The following NTRK2 variants were observed in gnomAD, a reference collection of about 807,000 sequenced individuals.
The protein encoded by NTRK2 is BDNF/NT-3 growth factors receptor.
A neutral mutation model predicts 94.5 loss-of-function variants in NTRK2; 13 were observed. The ratio of observed to expected loss-of-function variants is 0.14; its 90% CI spans 0.09 to 0.22. The LOEUF (loss-of-function observed/expected upper bound fraction) is 0.22, where lower values mean the gene tolerates loss of function less well. Among genes scored for constraint, NTRK2 ranks in the 10% least tolerant of loss-of-function variants. The pLI, the probability that NTRK2 is intolerant of heterozygous loss-of-function variation, is 1.00. For synonymous variants in NTRK2, 372 were observed against 407.4 expected, an observed-to-expected ratio of 0.91 and a Z score of 1.05; for missense variants, 639 against 1,071.2, an observed-to-expected ratio of 0.60 and a Z score of 5.63.
At chr9:84,991,025 T>G (rs1828994420) in intron 17 of NTRK2, among the ~76,000 whole-genome samples, 1 of 152,158 alleles carries the variant, frequency 6.6e-6, no homozygotes, top group Non-Finnish European at 1.5e-5. Flanking sequence ...TCACACTGGG[T>G]AGGAGCAGGC....
At chr9:84,995,948 C>T (rs1043320041) in intron 17 of NTRK2, among the ~76,000 whole-genome samples, 2 of 152,160 alleles carry the variant, frequency 1.3e-5, no homozygotes, top group East Asian at 3.9e-4. Context: ...CTAGCCTTTC[C>T]AAGTATTGCA....
chr9:84,814,973 A>G (rs200773440), intron 12 of NTRK2: 1 of 1,059,560 alleles, frequency 9.4e-7, no homozygotes, highest in African/African-American at 1.6e-5. Flanking sequence ...ATCTAAAGAC[A>G]TAGGGGAAGA....
chr9:84,801,734 G>C (rs572444259), intron 12 of NTRK2, among the ~76,000 whole-genome samples: 6 of 152,284 alleles, frequency 3.9e-5, no homozygotes, highest in African/African-American at 1.4e-4. Flanking sequence ...CTCATGATGG[G>C]TTTATTAGGA....
chr9:84,705,509 C>T (rs1030508990), intron 4 of NTRK2, among the ~76,000 whole-genome samples: 2 of 152,306 alleles, frequency 1.3e-5, no homozygotes, highest in African/African-American at 4.8e-5. Context: ...GGTAACCCCG[C>T]TCTTTGCGGT....
Position 84,919,950 on chromosome 9 carries a change from G to A in NTRK2, c.1634-14212G>A, listed in dbSNP as rs560859591. ...CAGTAAGTGAATTTCTGTAAGTCACGTAGTTAGTTGATGGCCACAATTGAA... is the reference window on the plus strand; with the variant it reads ...CAGTAAGTGAATTTCTGTAAGTCACATAGTTAGTTGATGGCCACAATTGAA... On this transcript the variant is annotated intron_variant, in intron 14 of 18. Coordinates refer to ENST00000277120, the MANE Select transcript of NTRK2 (RefSeq NM_006180.6). Among the ~76,000 whole-genome samples the A allele has an allele frequency of 5.3e-5, 8 of 152,284 alleles. No homozygotes were observed. In the South Asian group the frequency reaches 6.2e-4, roughly 12 times the overall value.
At chr9:84,757,634 A>G (rs2132587950) in intron 12 of NTRK2, among the ~76,000 whole-genome samples, 1 of 152,300 alleles carries the variant, frequency 6.6e-6, no homozygotes, top group Middle Eastern at 3.4e-3. Context: ...TACCTAACCC[A>G]TAGGGTTGTT....
intron 14 of NTRK2, chr9:84,873,132 A>C (rs1587774412): frequency 9.4e-7 from 1 of 1,064,234 alleles, no homozygotes; most frequent in South Asian, 4.6e-5. Flanking sequence ...ACCATGGTCC[A>C]TTTTGATGGT....
At chr9:84,882,585 A>T (rs1011373402) in intron 14 of NTRK2, among the ~76,000 whole-genome samples, 8 of 152,104 alleles carry the variant, frequency 5.3e-5, no homozygotes, top group African/African-American at 1.4e-4. Context: ...GGAGATCTGT[A>T]TCTATTTATC....
intron 12 of NTRK2, among the ~76,000 whole-genome samples, chr9:84,760,171 C>T (rs1180268461): frequency 3.3e-5 from 5 of 152,164 alleles, no homozygotes; most frequent in Non-Finnish European, 7.3e-5. Flanking sequence ...AGATCTCCCG[C>T]CTGCTGGTCA....
intron 17 of NTRK2, among the ~76,000 whole-genome samples, chr9:85,003,608 T>C (rs994210326): frequency 2.6e-5 from 4 of 152,128 alleles, no homozygotes; most frequent in Non-Finnish European, 5.9e-5. Flanking sequence ...TTGGATTTTG[T>C]TCCGAGTACA....
intron 14 of NTRK2, among the ~76,000 whole-genome samples, chr9:84,918,583 G>A (rs2077466758): frequency 2.0e-5 from 3 of 152,130 alleles, no homozygotes; most frequent in African/African-American, 7.2e-5. Flanking sequence ...ATGAAATAAG[G>A]GATCTTTTAT....
intron 14 of NTRK2, among the ~76,000 whole-genome samples, chr9:84,888,579 C>G (rs929699827): frequency 7.7e-6 from 1 of 129,812 alleles, no homozygotes; most frequent in East Asian, 2.3e-4. Flanking sequence ...CGCCACTGCA[C>G]TCCAGCCTGG....
intron 14 of NTRK2, among the ~76,000 whole-genome samples, chr9:84,886,173 C>A (rs2076406916): frequency 2.0e-5 from 3 of 152,114 alleles, no homozygotes; most frequent in African/African-American, 7.2e-5. Context: ...ATATATGTGA[C>A]CAATGAGACC....
intron 14 of NTRK2, chr9:84,875,899 A>G: frequency 9.6e-7 from 1 of 1,038,524 alleles, no homozygotes; most frequent in Non-Finnish European, 1.2e-6. Context: ...AGTTTAAGAG[A>G]TTATAAAAAT....
intron 14 of NTRK2, among the ~76,000 whole-genome samples, chr9:84,926,527 C>T (rs1221296803): frequency 6.6e-6 from 1 of 152,046 alleles, no homozygotes; most frequent in Non-Finnish European, 1.5e-5. Flanking sequence ...CCACCGCACC[C>T]GGCCCAGTTT....
intron 9 of NTRK2, among the ~76,000 whole-genome samples, chr9:84,728,160 G>A (rs1270945579): frequency 1.3e-5 from 2 of 152,174 alleles, no homozygotes; most frequent in East Asian, 3.9e-4. Flanking sequence ...TGAAGCAGCA[G>A]CTACATAGGA....
chr9:85,019,303 T>C (rs1832573494), intron 17 of NTRK2, among the ~76,000 whole-genome samples: 3 of 152,116 alleles, frequency 2.0e-5, no homozygotes, highest in Admixed American at 2.0e-4. Context: ...CTGTGTAGCA[T>C]GGTGGTGCTG....
chr9:84,981,427 A>AT (rs891206105), intron 17 of NTRK2, among the ~76,000 whole-genome samples: 4 of 151,122 alleles, frequency 2.6e-5, no homozygotes, highest in South Asian at 2.1e-4. Flanking sequence ...TGAAGTCTTG[A>AT]TTTTTTTTTC....
intron 17 of NTRK2, among the ~76,000 whole-genome samples, chr9:84,983,639 G>T (rs1827926449): frequency 6.6e-6 from 1 of 152,170 alleles, no homozygotes; most frequent in Non-Finnish European, 1.5e-5. Context: ...TGGGAGCCTT[G>T]ATCCCACTGG....
Sources: gnomAD v4.1 joint callset for allele counts (sites outside exome capture counted in the v4.1 genomes callset) on GRCh38, gnomAD v4.1.1 for gene constraint, MANE v1.5 for transcripts, NCBI Gene and HGNC (gene_info 2026-07-23, HGNC 2026-07-21) for gene names.